Variants in FSD1L observed in about 807,000 individuals in gnomAD.
FSD1L encodes the protein FSD1-like protein.
Under a neutral mutation model 71.6 loss-of-function variants are expected in FSD1L, and 45 were observed. The ratio of observed to expected loss-of-function variants is 0.63; its 90% confidence interval spans 0.49 to 0.81. The LOEUF (loss-of-function observed/expected upper bound fraction) is 0.81, where lower values mean the gene tolerates loss of function less well. Ranked by LOEUF, FSD1L falls within the 30% of genes least tolerant of loss-of-function variation. The pLI is 0.00. For missense variants in FSD1L, 561 were observed against 618.1 expected (o/e 0.91, Z 0.98); for synonymous variants, 197 against 207.2 (o/e 0.95, Z 0.42).
At position 105,508,694 on chromosome 9, in the gene FSD1L, C is replaced by T; in HGVS notation, c.874C>T (p.Pro292Ser). 1 of 1,548,418 alleles carries T rather than the reference C, an allele frequency of 6.5e-7. No homozygotes were observed. The highest frequency in any genetic ancestry group is 8.7e-7 in the Non-Finnish European group (1 of 1,143,990). The change falls in exon 9 of 14, where the codon CCA becomes TCA. Residue 292 changes from proline to serine, a missense_variant. Around this residue, in one of 3 missense-constraint regions of FSD1L, gnomAD observed 410 missense variants for 413.5 expected, o/e 0.99. Transcript: ENST00000481272. ...GGCTGTGGCTGGAGAGTATTCTGATCCAGTGACTCTAGAGACCAAAGGTGA... is the reference window on the plus strand; with the variant it reads ...GGCTGTGGCTGGAGAGTATTCTGATTCAGTGACTCTAGAGACCAAAGGTGA... Reference protein sequence around the residue: ...NKAVAGEYSDPVTLETKALNF... With the variant: ...NKAVAGEYSDSVTLETKALNF...
At chr9:105,524,368 T>C (rs1272841175) in intron 10 of FSD1L, 1 of 1,613,628 alleles carries the variant, frequency 6.2e-7, no homozygotes, top group African/African-American at 1.3e-5. Flanking sequence ...ATCACCCATC[T>C]TTTACCAAGT....
rs1837219646 is a variant in FSD1L at position 105,550,460 on chromosome 9, A to G, written c.*3977A>G. ...TTCATAATGTTGGCACTGGAGTATT[A>G]TAAGAGATCATGAATGTTTCCTTAA... On this transcript the variant is annotated 3_prime_UTR_variant, in exon 14 of 14. Coordinates refer to ENST00000481272, the MANE Select transcript of FSD1L (RefSeq NM_001145313.3). The G allele has an allele frequency of 6.6e-6, 1 of 152,054 alleles. No individual in the cohort carries two copies. Among genetic ancestry groups the G allele is most frequent in the Admixed American group, 6.6e-5 (1 of 15,256 alleles). The allele number at this position is 152,054 out of a possible 1,614,324, so 9.4% of individuals were successfully genotyped here. A position where few individuals can be genotyped will look rare whatever the true frequency, so the allele number is the denominator to read the frequency against.
chr9:105,458,144 C>T (rs1830469974), intron 1 of FSD1L, among the ~76,000 whole-genome samples: 1 of 152,196 alleles, frequency 6.6e-6, no homozygotes, highest in South Asian at 2.1e-4. Context: ...CCCGTTGTCA[C>T]TTGCTGTCAT....
chr9:105,534,485 T>G lies in FSD1L; in HGVS notation c.1026-8T>G, dbSNP rs1435671359. 1.1e-5 allele frequency: 16 copies of G among 1,463,638 alleles called. No homozygotes were observed. In the African/African-American group the frequency reaches 1.8e-4, roughly 17 times the overall value. 90.7% of individuals were successfully genotyped at this position (1,463,638 alleles called of 1,614,324 possible). ...ATTTGTTTTTCTTTTTTCTTTTTGTTTATATAGAAGTGGTACACCATCCCC... is the reference window on the plus strand; with the variant it reads ...ATTTGTTTTTCTTTTTTCTTTTTGTGTATATAGAAGTGGTACACCATCCCC... On this transcript the variant is annotated splice_region_variant and splice_polypyrimidine_tract_variant and intron_variant, in intron 10 of 13. Transcript: ENST00000481272.
intron 3 of FSD1L, among the ~76,000 whole-genome samples, chr9:105,465,795 G>A (rs1168100375): frequency 6.6e-6 from 1 of 151,976 alleles, no homozygotes; most frequent in Non-Finnish European, 1.5e-5. Context: ...CAATCTCACA[G>A]CTACCATCTT....
intron 12 of FSD1L, among the ~76,000 whole-genome samples, chr9:105,537,556 A>G (rs1836345668): frequency 6.6e-6 from 1 of 152,126 alleles, no homozygotes; most frequent in Non-Finnish European, 1.5e-5. Flanking sequence ...ACGTATGGCA[A>G]GGGGAAGTTG....
rs1377267393 is a variant in FSD1L, at chr9:105,526,483, C to A, written c.1026-8010C>A. 4 of 1,612,312 alleles carry A rather than the reference C, an allele frequency of 2.5e-6. No individual in the cohort carries two copies. The African/African-American group carries it at 5.3e-5, about 22-fold the overall frequency. ...TGTCTCCTCGAACTAGCAAAAGCCG[C>A]ATGTCCATGAAGCTGCGTCGTTCCT... On this transcript the variant is annotated intron_variant, in intron 10 of 13. Transcript: ENST00000481272.
In FSD1L at chr9:105,547,453, C is replaced by T. The variant is rs899659276; in HGVS notation, c.*970C>T. 2.0e-5 allele frequency: 3 copies of T among 152,204 alleles called. No homozygotes were observed. The highest frequency in any genetic ancestry group is 4.4e-5 in the Non-Finnish European group (3 of 67,908). 9.4% of individuals were successfully genotyped at this position (152,204 alleles called of 1,614,324 possible). The stretch of plus-strand genomic sequence containing the variant: ...AAGGATAGGTTATAAAGGGAGGTAC[C>T]TAAATACTCAAATAATGTATATATT... On this transcript the variant is annotated 3_prime_UTR_variant, in exon 14 of 14. Transcript: ENST00000481272.
At chr9:105,526,667 A>T (rs928397004) in intron 10 of FSD1L, among the ~76,000 whole-genome samples, 9 of 152,176 alleles carry the variant, frequency 5.9e-5, no homozygotes, top group Non-Finnish European at 1.0e-4. Flanking sequence ...CTGGATTTAA[A>T]TAATTTTAAA....
intron 8 of FSD1L, among the ~76,000 whole-genome samples, chr9:105,508,075 G>A (rs1244965142): frequency 6.6e-6 from 1 of 151,420 alleles, no homozygotes; most frequent in Non-Finnish European, 1.5e-5. Context: ...CTCCATGTTG[G>A]TCAGGCAGGT....
chr9:105,448,092 G>A lies in FSD1L; in HGVS notation c.-129G>A. 1 of 1,074,914 alleles carries A rather than the reference G, an allele frequency of 9.3e-7. No homozygotes were observed. The highest frequency in any genetic ancestry group is 1.4e-6 in the Non-Finnish European group (1 of 727,200). The allele number at this position is 1,074,914 out of a possible 1,614,324, so 66.6% of individuals were successfully genotyped here. On this transcript the variant is annotated 5_prime_UTR_variant, in exon 1 of 14. Coordinates refer to ENST00000481272, the MANE Select transcript of FSD1L (RefSeq NM_001145313.3). ...GCGCGCGGTCTGGGCGCGGACGGGTGGGGCCGGGCGGTGCCGGTGCGGGCT... is the reference window on the plus strand; with the variant it reads ...GCGCGCGGTCTGGGCGCGGACGGGTAGGGCCGGGCGGTGCCGGTGCGGGCT...
chr9:105,444,859 AG>A (rs1178969733), upstream of FSD1L, among the ~76,000 whole-genome samples: 7 of 152,200 alleles, frequency 4.6e-5, no homozygotes, highest in Non-Finnish European at 1.0e-4. Context: ...AATCACCTAG[AG>A]GAAATGCTAA....
chr9:105,525,108 T>C, intron 10 of FSD1L: 1 of 1,551,536 alleles, frequency 6.4e-7, no homozygotes, highest in Non-Finnish European at 8.7e-7. Context: ...CCACCTCCTG[T>C]AAGTGGCTTG....
Position 105,484,392 on chromosome 9 carries a change from C to T in FSD1L, c.476C>T (p.Ala159Val). The change falls in exon 7 of 14, where the codon GCT becomes GTT. Residue 159 changes from alanine to valine, a missense_variant. Transcript: ENST00000481272. ...TGTGTTTACCGTAGAGTCACAATGG[C>T]TTCAGCCTTTCGCCTTTCTTTGAAA... Reference protein sequence around the residue: ...ARQIKDRVTMASAFRLSLKPK... With the variant: ...ARQIKDRVTMVSAFRLSLKPK... The T allele has an allele frequency of 6.6e-7, 1 of 1,521,258 alleles. No individual in the cohort carries two copies. The highest frequency in any genetic ancestry group is 1.4e-5 in the African/African-American group (1 of 71,398). 94.2% of individuals were successfully genotyped at this position (1,521,258 alleles called of 1,614,324 possible).
intron 10 of FSD1L, chr9:105,526,105 T>G: frequency 6.4e-7 from 1 of 1,550,970 alleles, no homozygotes; most frequent in Non-Finnish European, 8.9e-7. Context: ...AGAGGTTCCC[T>G]TCTTTGGTCC....
Position 105,468,215 on chromosome 9 carries a change from C to A in FSD1L, c.230C>A (p.Ser77Ter). 7.0e-7 allele frequency: 1 copy of A among 1,423,364 alleles called. No individual in the cohort carries two copies. The highest frequency in any genetic ancestry group is 9.2e-7 in the Non-Finnish European group (1 of 1,091,464). The allele number at this position is 1,423,364 out of a possible 1,614,324, so 88.2% of individuals were successfully genotyped here. ...CAGGAAAATTCGTCCAACATACTCTCAGAGTTAGATGAAGAATTTGATAGT... is the reference window on the plus strand; with the variant it reads ...CAGGAAAATTCGTCCAACATACTCTAAGAGTTAGATGAAGAATTTGATAGT... ...GVQENSSNILSELDEEFDSLY... is the reference protein window; with the variant it reads ...GVQENSSNIL Residue 77 changes from serine (S) to a stop codon, truncating the protein, a stop_gained, in exon 4 of 14, where the codon TCA becomes TAA. Transcript: ENST00000481272. LOFTEE classifies it high-confidence loss of function.
chr9:105,505,148 T>A (rs1432905275), intron 7 of FSD1L, among the ~76,000 whole-genome samples: 1 of 152,266 alleles, frequency 6.6e-6, no homozygotes, highest in Non-Finnish European at 1.5e-5. Context: ...ATAGAATAAT[T>A]TCACTGCCCT....
In FSD1L at chr9:105,546,682, C is replaced by G. The variant is rs889764096; in HGVS notation, c.*199C>G. 1 of 370,900 alleles carries G rather than the reference C, an allele frequency of 2.7e-6. No homozygotes were observed. Among genetic ancestry groups the G allele is most frequent in the Non-Finnish European group, 4.7e-6 (1 of 210,718 alleles). 23.0% of individuals were successfully genotyped at this position (370,900 alleles called of 1,614,324 possible). On this transcript the variant is annotated 3_prime_UTR_variant, in exon 14 of 14. Transcript: ENST00000481272. ...CAGTATCATAGAAGCAAGCAGATAC[C>G]AAGCAAAAAACTGATGATTGAAGAG...
In FSD1L at chr9:105,539,204, T is replaced by C. The variant is rs906628107; in HGVS notation, c.1379-59T>C. On this transcript the variant is annotated intron_variant, in intron 12 of 13. Transcript: ENST00000481272. ...CTTTTTGCATGATTATGCGTTAGAA[T>C]TAATTAAATGTTACAATTTTTTGTA... 51 of 788,586 alleles carry C rather than the reference T, an allele frequency of 6.5e-5. 1 individual carries two copies. In the South Asian group the frequency reaches 8.6e-4, roughly 13 times the overall value. 48.8% of individuals were successfully genotyped at this position (788,586 alleles called of 1,614,324 possible).
Sources: allele counts gnomAD v4.1 joint callset (sites outside exome capture counted in the v4.1 genomes callset), GRCh38; gene constraint gnomAD v4.1.1; regional missense constraint gnomAD v4.1.1; transcripts MANE v1.5; gene names NCBI Gene and HGNC (gene_info 2026-07-23, HGNC 2026-07-21).